The following TLL2 variants were observed in gnomAD, a reference collection of about 807,000 sequenced individuals.
The protein encoded by TLL2 is tolloid-like protein 2.
A neutral mutation model predicts 123.0 loss-of-function variants in TLL2; 106 were observed. The ratio of observed to expected loss-of-function variants is 0.86; its 90% CI spans 0.74 to 1.01. The LOEUF (loss-of-function observed/expected upper bound fraction) is 1.01. Among genes scored for constraint, TLL2 ranks in the 50% least tolerant of loss-of-function variants. The pLI is 0.00. For synonymous variants in TLL2, 494 were observed against 516.8 expected (o/e 0.96, Z 0.60); for missense variants, 1,332 against 1,336.7 (o/e 1.00, Z 0.06).
At chr10:96,415,838 C>G (rs1280023785) in intron 7 of TLL2, among the ~76,000 whole-genome samples, 1 of 138,138 alleles carries the variant, frequency 7.2e-6, no homozygotes, top group African/African-American at 2.7e-5. Flanking sequence ...ACCCCTGGTT[C>G]TTCCTGGTTA....
intron 2 of TLL2, among the ~76,000 whole-genome samples, chr10:96,458,790 T>A (rs1325156356): frequency 1.3e-5 from 2 of 150,698 alleles, no homozygotes; most frequent in Non-Finnish European, 3.0e-5. Context: ...AAAAAAGAAA[T>A]CTGTCAATAG....
intron 16 of TLL2, 70 bp from the exon 17 acceptor site, chr10:96,379,162 CA>C: frequency 6.4e-7 from 1 of 1,570,502 alleles, no homozygotes; most frequent in Non-Finnish European, 8.7e-7. Flanking sequence ...CTCAGAATCC[CA>C]CTTAAAAGTG....
At chr10:96,463,132 A>T (rs1468897159) in intron 2 of TLL2, among the ~76,000 whole-genome samples, 1 of 152,188 alleles carries the variant, frequency 6.6e-6, no homozygotes, top group Non-Finnish European at 1.5e-5. Flanking sequence ...GATCAACTGT[A>T]CCTCACTAAA....
chr10:96,394,953 A>T (rs1408278497), intron 13 of TLL2, among the ~76,000 whole-genome samples: 1 of 152,148 alleles, frequency 6.6e-6, no homozygotes, highest in Admixed American at 6.5e-5. Context: ...AACTTATTAG[A>T]TCTAATTTCC....
Position 96,366,692 on chromosome 10 carries a change from CTA to C in TLL2, c.*1394_*1395del, listed in dbSNP as rs1846031688. The C allele has an allele frequency of 6.6e-6, 1 of 152,486 alleles. No individual in the cohort carries two copies. The highest frequency in any genetic ancestry group is 1.5e-5 in the Non-Finnish European group (1 of 68,052). The allele number at this position is 152,486 out of a possible 1,614,324, so 9.4% of individuals were successfully genotyped here. A position where few individuals can be genotyped will look rare whatever the true frequency, so the allele number is the denominator to read the frequency against. Reference sequence around the variant, plus strand: ...CCAAAGGAATTCCGGTGCATGGGAGCTATCTTGGCTCTAACCAAAAACACTCA... The same window carrying C: ...CCAAAGGAATTCCGGTGCATGGGAGCTCTTGGCTCTAACCAAAAACACTCA... On this transcript the variant is annotated 3_prime_UTR_variant, in exon 21 of 21. Transcript: ENST00000357947.
At position 96,476,248 on chromosome 10, in the gene TLL2, T is replaced by TTTTTG. The variant is rs1285354320; in HGVS notation, c.286+4100_286+4101insCAAAA. 2.6e-3 allele frequency among the ~76,000 whole-genome samples: 178 copies of TTTTTG among 69,210 alleles called. 16 individuals are homozygous for TTTTTG. The highest frequency in any genetic ancestry group is 3.4e-3 in the Admixed American group (23 of 6,684). The allele number at this position is 69,210 out of a possible 152,430, so 45.4% of individuals were successfully genotyped here. The stretch of plus-strand genomic sequence containing the variant: ...TATATATATATATATATATTTTATT[T>TTTTTG]TTGTTGTTGTTGTTGTTGTTGAGAC... On this transcript the variant is annotated intron_variant, in intron 2 of 20. Transcript: ENST00000357947.
intron 2 of TLL2, among the ~76,000 whole-genome samples, chr10:96,477,971 C>T (rs917393539): frequency 2.6e-5 from 4 of 152,238 alleles, no homozygotes; most frequent in African/African-American, 9.6e-5. Context: ...GATGTAGGCT[C>T]TGTGCTCTAT....
chr10:96,452,610 T>C (rs933171428), intron 2 of TLL2, among the ~76,000 whole-genome samples: 1 of 152,198 alleles, frequency 6.6e-6, no homozygotes, highest in Admixed American at 6.5e-5. Context: ...CATGAATAAG[T>C]TGTTCAAGGT....
chr10:96,420,911 G>A (rs1308376489), intron 7 of TLL2, 45 bp downstream of exon 7: 24 of 1,570,650 alleles, frequency 1.5e-5, no homozygotes, highest in South Asian at 2.2e-5. Flanking sequence ...CAAGCCTGCC[G>A]CAGGCACAGT....
intron 1 of TLL2, among the ~76,000 whole-genome samples, chr10:96,505,552 T>C (rs1847570551): frequency 2.0e-5 from 3 of 152,236 alleles, no homozygotes; most frequent in Non-Finnish European, 2.9e-5. Context: ...TAACCCTATG[T>C]GGGTAGATAT....
intron 2 of TLL2, among the ~76,000 whole-genome samples, chr10:96,450,084 C>T (rs1049962817): frequency 2.6e-5 from 4 of 151,632 alleles, no homozygotes; most frequent in Admixed American, 6.6e-5. Flanking sequence ...AGACCTGGCA[C>T]ATGGCAGGTA....
chr10:96,488,569 A>G (rs1329603208), intron 1 of TLL2, among the ~76,000 whole-genome samples: 1 of 152,184 alleles, frequency 6.6e-6, no homozygotes, highest in African/African-American at 2.4e-5. Context: ...CTTCACTCAG[A>G]GGGGACACAG....
chr10:96,401,027 T>G (rs1846388054), intron 10 of TLL2, among the ~76,000 whole-genome samples: 1 of 152,150 alleles, frequency 6.6e-6, no homozygotes, highest in South Asian at 2.1e-4. Context: ...CTAAGCAGGC[T>G]GGAGAGAAAC....
At chr10:96,381,818 C>CA (rs1170401765) in intron 16 of TLL2, among the ~76,000 whole-genome samples, 1 of 151,650 alleles carries the variant, frequency 6.6e-6, no homozygotes, top group East Asian at 1.9e-4. Flanking sequence ...ACACTCAAAA[C>CA]AAAAAACATG....
At chr10:96,389,100 A>T (rs11188741) in intron 13 of TLL2, among the ~76,000 whole-genome samples, 1 of 152,156 alleles carries the variant, frequency 6.6e-6, no homozygotes, top group African/African-American at 2.4e-5. Context: ...AGAAGAAAAT[A>T]GTTGATAAAA....
intron 2 of TLL2, among the ~76,000 whole-genome samples, chr10:96,476,072 A>T (rs1847241608): frequency 6.6e-6 from 1 of 151,578 alleles, no homozygotes; most frequent in Non-Finnish European, 1.5e-5. Context: ...TCTCGGGTAC[A>T]CCTTTATCAG....
At chr10:96,487,183 C>T (rs946144855) in intron 1 of TLL2, among the ~76,000 whole-genome samples, 1 of 152,188 alleles carries the variant, frequency 6.6e-6, no homozygotes, top group African/African-American at 2.4e-5. Context: ...GAGGTGCCTA[C>T]CTGGTAGAAG....
At chr10:96,447,315 C>T (rs923507410) in intron 2 of TLL2, among the ~76,000 whole-genome samples, 1 of 152,182 alleles carries the variant, frequency 6.6e-6, no homozygotes, top group African/African-American at 2.4e-5. Flanking sequence ...TTACAGGAAC[C>T]CTGCAGAGGG....
chr10:96,501,999 T>C (rs1324253), intron 1 of TLL2, among the ~76,000 whole-genome samples: 104,417 of 152,088 alleles, frequency 0.69, 36,149 homozygotes, highest in Middle Eastern at 0.82. Context: ...AGTTACAGAT[T>C]GTAAAGAGTG....
Sources: allele counts gnomAD v4.1 joint callset (sites outside exome capture counted in the v4.1 genomes callset), GRCh38; gene constraint gnomAD v4.1.1; transcripts MANE v1.5; gene names NCBI Gene and HGNC (gene_info 2026-07-23, HGNC 2026-07-21).